Variants in TMEM132D observed in about 807,000 individuals in gnomAD.
TMEM132D encodes the protein transmembrane protein 132D.
In TMEM132D, 21 loss-of-function variants were observed where a neutral mutation model predicts 62.3. That is an observed-to-expected ratio of 0.34 (90% CI 0.24 to 0.49). The LOEUF (loss-of-function observed/expected upper bound fraction) is 0.49. Ranked by LOEUF, TMEM132D falls within the 20% of genes least tolerant of loss-of-function variation. The probability of loss-of-function intolerance (pLI) is 0.99; values close to 1 mark genes in which losing one functional copy is unlikely to be tolerated. For missense variants in TMEM132D, 1,346 were observed against 1,402.8 expected (o/e 0.96, Z 0.65); for synonymous variants, 621 against 575.6 (o/e 1.08, Z -1.13).
chr12:129,518,264 C>G (rs1216990850), intron 3 of TMEM132D, among the ~76,000 whole-genome samples: 2 of 152,070 alleles, frequency 1.3e-5, no homozygotes, highest in Non-Finnish European at 2.9e-5. Context: ...CTAAGTCATG[C>G]TTATTGCAGT....
intron 1 of TMEM132D, among the ~76,000 whole-genome samples, chr12:129,843,492 C>G (rs1326515919): frequency 6.6e-6 from 1 of 152,006 alleles, no homozygotes; most frequent in Non-Finnish European, 1.5e-5. Context: ...TATTGAAAAC[C>G]ACTACACGCT....
chr12:129,276,674 A>T (rs1231885634), intron 4 of TMEM132D, among the ~76,000 whole-genome samples: 1 of 152,248 alleles, frequency 6.6e-6, no homozygotes, highest in Non-Finnish European at 1.5e-5. Flanking sequence ...AATGAATCAC[A>T]GCCCACTTAC....
At chr12:129,337,951 A>C in intron 3 of TMEM132D, 134 bp from the exon 4 acceptor site, 1 of 884,008 alleles carries the variant, frequency 1.1e-6, no homozygotes, top group Non-Finnish European at 1.7e-6. Flanking sequence ...CTCTGCAAAG[A>C]GCATTCAGAG....
chr12:129,766,046 G>C (rs1870542865), intron 1 of TMEM132D, among the ~76,000 whole-genome samples: 1 of 152,190 alleles, frequency 6.6e-6, no homozygotes. Context: ...GAAGTGCCCT[G>C]TGTGATTCTG....
chr12:129,475,710 A>G (rs1161862303), intron 3 of TMEM132D, among the ~76,000 whole-genome samples: 1 of 152,246 alleles, frequency 6.6e-6, no homozygotes, highest in Non-Finnish European at 1.5e-5. Context: ...GATTTATAAC[A>G]AAGCAATGTG....
At chr12:129,151,050 G>A (rs952397423) in intron 5 of TMEM132D, among the ~76,000 whole-genome samples, 5 of 152,108 alleles carry the variant, frequency 3.3e-5, no homozygotes, top group African/African-American at 9.7e-5. Flanking sequence ...ATGTGGTCAC[G>A]TCACTACCCG....
At chr12:129,297,648 T>C (rs973865467) in intron 4 of TMEM132D, among the ~76,000 whole-genome samples, 1 of 152,156 alleles carries the variant, frequency 6.6e-6, no homozygotes, top group African/African-American at 2.4e-5. Context: ...ATGCCTTAAT[T>C]ACTTATCTGC....
chr12:129,561,436 G>A (rs773454182), intron 2 of TMEM132D, among the ~76,000 whole-genome samples: 1 of 152,214 alleles, frequency 6.6e-6, no homozygotes, highest in Non-Finnish European at 1.5e-5. Context: ...AATCTCAGCT[G>A]TTCTTCATAG....
At chr12:129,185,773 G>GTCTGTCTATCTATCTATCTATCTA (rs796145548) in intron 5 of TMEM132D, among the ~76,000 whole-genome samples, 1 of 135,924 alleles carries the variant, frequency 7.4e-6, no homozygotes, top group African/African-American at 2.7e-5. Flanking sequence ...CTGTCTGTCT[G>GTCTGTCTATCTATCTATCTATCTA]TCTATCTATC....
Position 129,827,346 on chromosome 12 carries a change from A to C in TMEM132D, c.79+75915T>G, listed in dbSNP as rs1382838099. ...GTCCTCTCCAGTTTCTAAGCCCCAA[A>C]TTCATGGTCACACCCCCAGGCAGAA... On this transcript the variant is annotated intron_variant, in intron 1 of 8. Coordinates refer to ENST00000422113, the MANE Select transcript of TMEM132D (RefSeq NM_133448.3). This position sits in a 1 kb window ranked among gnomAD's most constrained non-coding sequence, Gnocchi z 9.7. 6.6e-6 allele frequency among the ~76,000 whole-genome samples: 1 copy of C among 152,130 alleles called. No individual in the cohort carries two copies. The highest frequency in any genetic ancestry group is 2.4e-5 in the African/African-American group (1 of 41,428).
intron 3 of TMEM132D, among the ~76,000 whole-genome samples, chr12:129,400,571 T>G (rs78422599): frequency 1.9e-3 from 291 of 152,256 alleles, no homozygotes; most frequent in African/African-American, 6.7e-3. Flanking sequence ...CGGTCCTCCA[T>G]CCTCTTCACA....
At chr12:129,224,669 C>A (rs572491707) in intron 4 of TMEM132D, among the ~76,000 whole-genome samples, 15 of 152,176 alleles carry the variant, frequency 9.9e-5, no homozygotes, top group Admixed American at 9.2e-4. Flanking sequence ...GCACTTTGGA[C>A]GTCGAGGCAG....
Position 129,527,507 on chromosome 12 carries a change from T to C in TMEM132D, c.1115+3552A>G, listed in dbSNP as rs564673697. ...ATACTAGCCCTTAAAAGAGATGAAC[T>C]TCTCTTCAATCAAGTCTTGCTGGAG... On this transcript the variant is annotated intron_variant, in intron 3 of 8. Transcript: ENST00000422113. Among the ~76,000 whole-genome samples, 5 of 152,306 alleles carry C rather than the reference T, an allele frequency of 3.3e-5. No homozygotes were observed. In the East Asian group the frequency reaches 9.6e-4, roughly 29 times the overall value.
chr12:129,694,882 C>T (rs553961349), intron 2 of TMEM132D, among the ~76,000 whole-genome samples: 41 of 152,138 alleles, frequency 2.7e-4, no homozygotes, highest in Non-Finnish European at 5.4e-4. Flanking sequence ...GCGATGTGAG[C>T]CTTTAATCCC....
chr12:129,719,073 CA>C (rs1393923387), intron 1 of TMEM132D, among the ~76,000 whole-genome samples: 2 of 73,520 alleles, frequency 2.7e-5, no homozygotes, highest in East Asian at 4.0e-4. Flanking sequence ...CTCCTCTCTA[CA>C]AAAAAAATGA....
At chr12:129,175,658 AG>A (rs1210896717) in intron 5 of TMEM132D, among the ~76,000 whole-genome samples, 2 of 152,174 alleles carry the variant, frequency 1.3e-5, no homozygotes, top group Admixed American at 6.5e-5. Context: ...CAGCGAGCCA[AG>A]ATCACACCAT....
chr12:129,298,656 G>A (rs1046178366), intron 4 of TMEM132D, among the ~76,000 whole-genome samples: 2 of 152,104 alleles, frequency 1.3e-5, no homozygotes, highest in African/African-American at 4.8e-5. Flanking sequence ...GTAACCAACG[G>A]TTCTACTTTC....
chr12:129,722,893 C>A (rs1032066247), intron 1 of TMEM132D, among the ~76,000 whole-genome samples: 2 of 151,984 alleles, frequency 1.3e-5, no homozygotes, highest in African/African-American at 4.8e-5. Context: ...GCATATGACA[C>A]CACATCCAGC....
At position 129,827,363 on chromosome 12, in the gene TMEM132D, CA is replaced by C. The variant is rs1417519874; in HGVS notation, c.79+75897del. Among the ~76,000 whole-genome samples the C allele has an allele frequency of 6.6e-6, 1 of 152,186 alleles. No individual in the cohort carries two copies. Among genetic ancestry groups the C allele is most frequent in the Non-Finnish European group, 1.5e-5 (1 of 68,042 alleles). On this transcript the variant is annotated intron_variant, in intron 1 of 8. Coordinates refer to ENST00000422113, the MANE Select transcript of TMEM132D (RefSeq NM_133448.3). This position sits in a 1 kb window ranked among gnomAD's most constrained non-coding sequence, Gnocchi z 9.7. ...AGCCCCAAATTCATGGTCACACCCCCAGGCAGAACTCTGGAGCACTGGCTAA... is the reference window on the plus strand; with the variant it reads ...AGCCCCAAATTCATGGTCACACCCCCGGCAGAACTCTGGAGCACTGGCTAA...
Sources: gnomAD v4.1 joint callset for allele counts (sites outside exome capture counted in the v4.1 genomes callset) on GRCh38, gnomAD v4.1.1 for gene constraint, Gnocchi (gnomAD v3.1) non-coding constraint, MANE v1.5 for transcripts, NCBI Gene and HGNC (gene_info 2026-07-23, HGNC 2026-07-21) for gene names.